The following MTOR variants were observed in gnomAD, a reference collection of about 807,000 sequenced individuals.
MTOR encodes mechanistic target of rapamycin kinase.
In MTOR, 70 loss-of-function variants were observed where a neutral mutation model predicts 319.8. The observed-to-expected ratio is 0.22, with a 90% confidence interval of 0.18 to 0.27. The LOEUF (loss-of-function observed/expected upper bound fraction) is 0.27, where lower values mean the gene tolerates loss of function less well. Among genes scored for constraint, MTOR ranks in the 10% least tolerant of loss-of-function variants. MTOR has a pLI of 1.00. For synonymous variants in MTOR, 1,183 were observed against 1,211.4 expected (o/e 0.98, Z 0.49); for missense variants, 1,890 against 3,274.4 (o/e 0.58, Z 10.32).
At chr1:11,235,647 T>C (rs1390148564) in intron 13 of MTOR, among the ~76,000 whole-genome samples, 1 of 152,018 alleles carries the variant, frequency 6.6e-6, no homozygotes, top group Non-Finnish European at 1.5e-5. Flanking sequence ...CTCTGCAATA[T>C]TGAAAAAATG....
intron 28 of MTOR, among the ~76,000 whole-genome samples, chr1:11,172,283 C>T (rs535497802): frequency 5.9e-5 from 9 of 152,128 alleles, no homozygotes; most frequent in East Asian, 1.9e-4. Context: ...TTTGGCTGGG[C>T]GCGGTGGCTC....
chr1:11,230,176 T>G lies in MTOR; in HGVS notation c.2779+749A>C, dbSNP rs183989772. On this transcript the variant is annotated intron_variant, in intron 18 of 57. Transcript: ENST00000361445. ...TGGCTCATGCCTGTAATCCCAGCATTTTGGGAAGCTGAAGCAGGCAGATCA... is the reference window on the plus strand; with the variant it reads ...TGGCTCATGCCTGTAATCCCAGCATGTTGGGAAGCTGAAGCAGGCAGATCA... Among the ~76,000 whole-genome samples the G allele has an allele frequency of 2.3e-3, 352 of 151,520 alleles. 2 individuals are homozygous for G. Among genetic ancestry groups the G allele is most frequent in the African/African-American group, 7.9e-3 (327 of 41,274 alleles).
intron 47 of MTOR, among the ~76,000 whole-genome samples, 154 bp downstream of exon 47, chr1:11,124,344 T>A (rs1211728232): frequency 1.3e-5 from 2 of 152,146 alleles, no homozygotes; most frequent in Non-Finnish European, 2.9e-5. Context: ...TGCCTCAACC[T>A]CTGGAGTTTC....
chr1:11,246,111 G>C (rs547172615), intron 8 of MTOR, among the ~76,000 whole-genome samples: 2 of 152,074 alleles, frequency 1.3e-5, no homozygotes, highest in South Asian at 2.1e-4. Context: ...ATACTTATAC[G>C]GTGTGCCCAG....
intron 52 of MTOR, 76 bp downstream of exon 52, chr1:11,114,737 C>CG: frequency 7.0e-7 from 1 of 1,436,784 alleles, no homozygotes; most frequent in Non-Finnish European, 9.8e-7. Flanking sequence ...CTGATGGGCT[C>CG]TAACAAGCGT....
intron 25 of MTOR, among the ~76,000 whole-genome samples, chr1:11,208,930 C>T (rs1472925428): frequency 2.6e-5 from 4 of 152,200 alleles, no homozygotes; most frequent in Non-Finnish European, 5.9e-5. Flanking sequence ...AGACTCCCAG[C>T]AACTGGTAAG....
At chr1:11,136,953 C>T (rs959587727) in intron 36 of MTOR, among the ~76,000 whole-genome samples, 6 of 151,268 alleles carry the variant, frequency 4.0e-5, no homozygotes, top group Non-Finnish European at 7.4e-5. Flanking sequence ...GCGATTCTCC[C>T]GCCTCAACTT....
intron 36 of MTOR, 94 bp downstream of exon 36, chr1:11,139,210 C>T: frequency 6.7e-7 from 1 of 1,490,788 alleles, no homozygotes; most frequent in Non-Finnish European, 9.0e-7. Flanking sequence ...GGTTTAAACA[C>T]TGTTTCTTTT....
At chr1:11,146,969 T>G (rs1486675100) in intron 31 of MTOR, among the ~76,000 whole-genome samples, 178 bp from the exon 32 acceptor site, 1 of 152,194 alleles carries the variant, frequency 6.6e-6, no homozygotes, top group Admixed American at 6.5e-5. Context: ...CTATGCAGGT[T>G]GACGTAACAA....
intron 30 of MTOR, among the ~76,000 whole-genome samples, chr1:11,150,909 GA>G (rs925017600): frequency 6.6e-6 from 1 of 151,964 alleles, no homozygotes; most frequent in African/African-American, 2.4e-5. Flanking sequence ...GCTTCTCAGT[GA>G]AAAAAAATAA....
chr1:11,194,403 G>A, intron 28 of MTOR: 1 of 1,537,146 alleles, frequency 6.5e-7, no homozygotes, highest in Admixed American at 1.7e-5. Flanking sequence ...AAGGGGTATA[G>A]AGACAGCATG....
chr1:11,161,245 C>T (rs1644468548), intron 29 of MTOR, among the ~76,000 whole-genome samples: 1 of 152,184 alleles, frequency 6.6e-6, no homozygotes, highest in Non-Finnish European at 1.5e-5. Flanking sequence ...GGAGGGGTGC[C>T]CACCATTGCT....
At chr1:11,118,414 T>A (rs566556688) in intron 49 of MTOR, among the ~76,000 whole-genome samples, 2 of 151,560 alleles carry the variant, frequency 1.3e-5, no homozygotes, top group South Asian at 2.1e-4. Context: ...TTTTTGTATT[T>A]TTAGTAGAGA....
chr1:11,242,604 G>A (rs1046632729), intron 9 of MTOR, among the ~76,000 whole-genome samples: 9 of 150,980 alleles, frequency 6.0e-5, no homozygotes, highest in African/African-American at 1.9e-4. Context: ...TGAGACAAAG[G>A]ATGATGAACA....
rs766678168 is a variant in MTOR, at chr1:11,121,966, C to T, written c.6810+13G>A. On this transcript the variant is annotated intron_variant, in intron 48 of 57. Transcript: ENST00000361445. The surrounding 1 kb of genome is among the most constrained non-coding windows in gnomAD (Gnocchi z 4.9). ...ACGGAAGGGGCACTAGCTCTCGTGGCCGCATCACATACCCGCAACATGATG... is the reference window on the plus strand; with the variant it reads ...ACGGAAGGGGCACTAGCTCTCGTGGTCGCATCACATACCCGCAACATGATG... 3.7e-6 allele frequency: 6 copies of T among 1,613,486 alleles called. No homozygotes were observed. The highest frequency in any genetic ancestry group is 1.3e-5 in the African/African-American group (1 of 75,052).
At chr1:11,116,926 A>G (rs1642197135) in intron 50 of MTOR, 78 bp downstream of exon 50, 1 of 1,103,514 alleles carries the variant, frequency 9.1e-7, no homozygotes, top group African/African-American at 1.6e-5. Flanking sequence ...CATATATTTA[A>G]TTGGAAAACC....
At chr1:11,204,751 ATT>A in intron 25 of MTOR, 48 bp from the exon 26 acceptor site, 1 of 1,580,138 alleles carries the variant, frequency 6.3e-7, no homozygotes, top group Admixed American at 1.9e-5. Context: ...TCAAGGGCCA[ATT>A]GAAAAAAGTC....
Position 11,126,653 on chromosome 1 carries a change from G to A in MTOR, c.6495C>T (p.Ser2165=), listed in dbSNP as rs187389317. 8.7e-6 allele frequency: 14 copies of A among 1,613,958 alleles called. No homozygotes were observed. Among genetic ancestry groups the A allele is most frequent in the Admixed American group, 1.7e-5 (1 of 59,988 alleles). ...SIAPSLQVIT[S]KQRPRKLTLM... is the part of the protein sequence containing the mutation. ...GTGTCAATTTCCGGGGCCTCTGCTTGGATGTGATGACTTGCAAAGACGGTG... is the reference window on the plus strand; with the variant it reads ...GTGTCAATTTCCGGGGCCTCTGCTTAGATGTGATGACTTGCAAAGACGGTG... Residue 2165 remains serine (S), a synonymous_variant, in exon 46 of 58, where the codon TCC becomes TCT. Transcript: ENST00000361445.
At chr1:11,251,541 G>T (rs975826320) in intron 6 of MTOR, among the ~76,000 whole-genome samples, 3 of 151,964 alleles carry the variant, frequency 2.0e-5, no homozygotes, top group African/African-American at 7.3e-5. Flanking sequence ...TTCACTGCTG[G>T]ATTATTCTAG....
Sources: gnomAD v4.1 joint callset for allele counts (sites outside exome capture counted in the v4.1 genomes callset) on GRCh38, gnomAD v4.1.1 for gene constraint, Gnocchi (gnomAD v3.1) non-coding constraint, MANE v1.5 for transcripts, NCBI Gene and HGNC (gene_info 2026-07-23, HGNC 2026-07-21) for gene names.